Variants in KIAA1549 observed in about 807,000 individuals in gnomAD.
The protein encoded by KIAA1549 is KIAA1549.
KIAA1549 carries 70 observed loss-of-function variants against 156.4 expected under a neutral mutation model. The ratio of observed to expected loss-of-function variants is 0.45; its 90% CI spans 0.37 to 0.55. The LOEUF (loss-of-function observed/expected upper bound fraction) is 0.55. Among genes scored for constraint, KIAA1549 ranks in the 20% least tolerant of loss-of-function variants. The pLI is 0.00. For synonymous variants in KIAA1549, 1,103 were observed against 1,066.4 expected (o/e 1.03, Z -0.67); for missense variants, 2,428 against 2,540.9 (o/e 0.96, Z 0.96).
rs746430460 is a variant in KIAA1549 at position 138,861,482 on chromosome 7, A to G, written c.4930-26T>C. 1.1e-5 allele frequency: 17 copies of G among 1,575,686 alleles called. No homozygotes were observed. The Admixed American group carries it at 1.6e-4, about 15-fold the overall frequency. ...CTACAATGAGAAATGGCAAAGGAAG[A>G]ATCACACATGAGTTTTTGTGGCAAC... On this transcript the variant is annotated intron_variant, in intron 15 of 19. Transcript: ENST00000422774.
At chr7:138,850,976 T>C (rs1000726070) in intron 17 of KIAA1549, among the ~76,000 whole-genome samples, 2 of 152,232 alleles carry the variant, frequency 1.3e-5, no homozygotes, top group Non-Finnish European at 2.9e-5. Context: ...TAAAGGAAGC[T>C]GTATTTTACA....
intron 1 of KIAA1549, among the ~76,000 whole-genome samples, chr7:138,938,836 A>C (rs998380525): frequency 5.3e-5 from 8 of 152,058 alleles, no homozygotes; most frequent in Non-Finnish European, 1.0e-4. Context: ...TTACCTGAGG[A>C]CAAGAGTACA....
chr7:138,844,272 A>C (rs1158911988), intron 18 of KIAA1549, 45 bp downstream of exon 18: 1 of 1,610,704 alleles, frequency 6.2e-7, no homozygotes, highest in Non-Finnish European at 8.5e-7. Flanking sequence ...TCTTTCAAGT[A>C]AATGTCCCGT....
intron 15 of KIAA1549, among the ~76,000 whole-genome samples, chr7:138,867,325 C>T (rs532105852): frequency 1.1e-4 from 16 of 152,078 alleles, no homozygotes; most frequent in African/African-American, 2.9e-4. Flanking sequence ...GAGGCCAAGG[C>T]GGGAGGATCA....
intron 1 of KIAA1549, among the ~76,000 whole-genome samples, chr7:138,919,833 T>G (rs1812507102): frequency 6.7e-6 from 1 of 149,698 alleles, no homozygotes; most frequent in Non-Finnish European, 1.5e-5. Context: ...CCAGACAGAG[T>G]GGAACTGGAA....
chr7:138,853,159 C>T (rs192914057), intron 16 of KIAA1549, among the ~76,000 whole-genome samples: 2 of 152,286 alleles, frequency 1.3e-5, no homozygotes, highest in Admixed American at 6.5e-5. Context: ...GTCTGTCCAG[C>T]GGCAGTCAGT....
chr7:138,920,173 C>CG, intron 1 of KIAA1549, among the ~76,000 whole-genome samples: 1 of 146,892 alleles, frequency 6.8e-6, no homozygotes, highest in African/African-American at 2.6e-5. Context: ...ATGCCCTTCC[C>CG]AGCTCTCTAC....
chr7:138,853,297 C>T (rs1039805883), intron 16 of KIAA1549, among the ~76,000 whole-genome samples: 1 of 152,156 alleles, frequency 6.6e-6, no homozygotes, highest in African/African-American at 2.4e-5. Flanking sequence ...ATTGTATGAG[C>T]ATTAACCTAG....
chr7:138,898,913 C>CCAGCA lies in KIAA1549; in HGVS notation c.3847+37_3847+41dup, dbSNP rs111418610. The CCAGCA allele has an allele frequency of 2.2e-4, 346 of 1,594,138 alleles. No individual in the cohort carries two copies. The African/African-American group carries it at 3.2e-3, about 15-fold the overall frequency. On this transcript the variant is annotated intron_variant, in intron 9 of 19. Transcript: ENST00000422774. ...GTCAGAACGAGCCTGGCTTTGGTGCCCAGCACAGCACAGCACAGACGACAA... is the reference window on the plus strand; with the variant it reads ...GTCAGAACGAGCCTGGCTTTGGTGCCCAGCACAGCACAGCACAGCACAGACGACAA...
At chr7:138,968,859 C>CAA (rs75576327) in intron 1 of KIAA1549, among the ~76,000 whole-genome samples, 66 of 66,218 alleles carry the variant, frequency 1.0e-3, no homozygotes, top group Non-Finnish European at 9.2e-4. Flanking sequence ...GACTCCGTCT[C>CAA]AAAAAAAAAA....
At chr7:138,923,800 C>T (rs1812633040) in intron 1 of KIAA1549, among the ~76,000 whole-genome samples, 1 of 152,056 alleles carries the variant, frequency 6.6e-6, no homozygotes, top group Admixed American at 6.5e-5. Flanking sequence ...AGAGTTAAGA[C>T]AAAATTCTGT....
intron 1 of KIAA1549, among the ~76,000 whole-genome samples, chr7:138,963,644 A>G (rs1813922357): frequency 6.6e-6 from 1 of 152,232 alleles, no homozygotes; most frequent in African/African-American, 2.4e-5. Context: ...GGGGCATATA[A>G]AACAAACGAA....
rs774024519 is a variant in KIAA1549 at position 138,837,992 on chromosome 7, A to G, written c.5767T>C (p.Ser1923Pro). The G allele has an allele frequency of 6.2e-7, 1 of 1,613,264 alleles. No homozygotes were observed. Among genetic ancestry groups the G allele is most frequent in the South Asian group, 1.1e-5 (1 of 90,744 alleles). The change falls in exon 20 of 20, where the codon TCC becomes CCC. Residue 1923 changes from serine (S) to proline (P), a missense_variant. Physicochemically the swap from Ser to Pro is moderately conservative, Grantham distance 74. This residue lies in a region of KIAA1549 where 363 missense variants were observed against 354.0 expected (regional missense o/e 1.03). Coordinates refer to ENST00000422774, the MANE Select transcript of KIAA1549 (RefSeq NM_001164665.2). ...ATTGCTTTGATGAGAGAGGCCGAGG[A>G]GTGGCCAGGCTGGAGGTCTTCCGTG... is the stretch of plus-strand genomic sequence containing the variant. ...SSTEDLQPGH[S>P]SASLIKAIRE... is the part of the protein sequence containing the mutation.
At chr7:138,979,284 G>A (rs1201767343) in intron 1 of KIAA1549, among the ~76,000 whole-genome samples, 1 of 152,200 alleles carries the variant, frequency 6.6e-6, no homozygotes, top group Non-Finnish European at 1.5e-5. Flanking sequence ...AGAAGGTTAG[G>A]GATGGGCAGT....
intron 17 of KIAA1549, among the ~76,000 whole-genome samples, chr7:138,848,083 CCTAAATT>C (rs1232106720): frequency 3.9e-5 from 6 of 151,972 alleles, no homozygotes; most frequent in Non-Finnish European, 8.8e-5. Flanking sequence ...TGCTAAATTC[CCTAAATT>C]CTAACAATTT....
intron 11 of KIAA1549, among the ~76,000 whole-genome samples, chr7:138,879,975 C>T (rs1466586592): frequency 1.3e-5 from 2 of 152,176 alleles, no homozygotes; most frequent in Non-Finnish European, 2.9e-5. Flanking sequence ...CTTTTCTGGA[C>T]CAGCAGTCTG....
chr7:138,849,319 A>C lies in KIAA1549; in HGVS notation c.5294+2904T>G, dbSNP rs765558144. ...ATTTAATTGGATCATCTTTTTTTACATCTTGAGGTCAATGCTTAGATCACT... is the reference window on the plus strand; with the variant it reads ...ATTTAATTGGATCATCTTTTTTTACCTCTTGAGGTCAATGCTTAGATCACT... On this transcript the variant is annotated intron_variant, in intron 17 of 19. Transcript: ENST00000422774. Among the ~76,000 whole-genome samples the C allele has an allele frequency of 5.9e-5, 9 of 151,296 alleles. 1 individual carries two copies. Among genetic ancestry groups the C allele is most frequent in the Non-Finnish European group, 1.3e-4 (9 of 67,844 alleles).
chr7:138,832,737 G>T lies in KIAA1549; in HGVS notation c.*5169C>A. On this transcript the variant is annotated 3_prime_UTR_variant, in exon 20 of 20. Transcript: ENST00000422774. ...GCTGTGTTTTAAGATAAATTATCAA[G>T]CCTACTGTCACACACACAAGCATGG... 4.5e-6 allele frequency: 1 copy of T among 219,992 alleles called. No individual in the cohort carries two copies. Among genetic ancestry groups the T allele is most frequent in the Non-Finnish European group, 9.1e-6 (1 of 109,878 alleles). 13.6% of individuals were successfully genotyped at this position (219,992 alleles called of 1,614,324 possible).
At chr7:138,847,863 C>G (rs1810124090) in intron 17 of KIAA1549, among the ~76,000 whole-genome samples, 2 of 152,146 alleles carry the variant, frequency 1.3e-5, no homozygotes, top group African/African-American at 4.8e-5. Flanking sequence ...ACTGAGTTGT[C>G]CAATCTGTGA....
Sources: allele counts gnomAD v4.1 joint callset (sites outside exome capture counted in the v4.1 genomes callset), GRCh38; gene constraint gnomAD v4.1.1; regional missense constraint gnomAD v4.1.1; transcripts MANE v1.5; gene names NCBI Gene and HGNC (gene_info 2026-07-23, HGNC 2026-07-21).